DYNC1I1: variants seen among roughly 807,000 people sequenced by gnomAD.
DYNC1I1 encodes the protein dynein cytoplasmic 1 intermediate chain 1, also known as cytoplasmic dynein 1 intermediate chain 1.
DYNC1I1 carries 43 observed loss-of-function variants against 86.6 expected under a neutral mutation model. The ratio of observed to expected loss-of-function variants is 0.50; its 90% CI spans 0.39 to 0.64. The LOEUF (loss-of-function observed/expected upper bound fraction) is 0.64, where lower values mean the gene tolerates loss of function less well. Ranked by LOEUF, DYNC1I1 falls within the 30% of genes least tolerant of loss-of-function variation. The probability of loss-of-function intolerance (pLI) is 0.00; values close to 1 mark genes in which losing one functional copy is unlikely to be tolerated. For synonymous variants in DYNC1I1, 262 were observed against 283.7 expected, an observed-to-expected ratio of 0.92 and a Z score of 0.77; for missense variants, 604 against 788.8, an observed-to-expected ratio of 0.77 and a Z score of 2.81.
At chr7:96,069,730 T>C in intron 14 of DYNC1I1, among the ~76,000 whole-genome samples, 1 of 152,230 alleles carries the variant, frequency 6.6e-6, no homozygotes, top group East Asian at 1.9e-4. Context: ...CATTCTTTTA[T>C]ATGGATAATT....
At chr7:96,060,917 C>T (rs1789746150) in intron 14 of DYNC1I1, among the ~76,000 whole-genome samples, 1 of 152,050 alleles carries the variant, frequency 6.6e-6, no homozygotes, top group African/African-American at 2.4e-5. Flanking sequence ...AAGGCAGCCC[C>T]AAAATGGAAC....
chr7:96,062,956 G>A (rs1789828110), intron 14 of DYNC1I1, among the ~76,000 whole-genome samples: 1 of 151,896 alleles, frequency 6.6e-6, no homozygotes, highest in Non-Finnish European at 1.5e-5. Flanking sequence ...TGACCTGTTT[G>A]TATTAGCTTT....
intron 9 of DYNC1I1, 99 bp from the exon 10 acceptor site, chr7:95,995,849 A>G: frequency 6.7e-7 from 1 of 1,481,554 alleles, no homozygotes; most frequent in Non-Finnish European, 9.0e-7. Flanking sequence ...AGAAAGCACC[A>G]TTTACACTGT....
At chr7:95,865,502 GC>G (rs1789994839) in intron 5 of DYNC1I1, among the ~76,000 whole-genome samples, 1 of 152,112 alleles carries the variant, frequency 6.6e-6, no homozygotes, top group Admixed American at 6.5e-5. Flanking sequence ...CCAGGGTATG[GC>G]ATAAATTAGT....
intron 10 of DYNC1I1, among the ~76,000 whole-genome samples, chr7:96,012,350 CCTTT>C (rs1372293451): frequency 6.6e-6 from 1 of 152,140 alleles, no homozygotes; most frequent in East Asian, 1.9e-4. Context: ...AGATTACCAT[CCTTT>C]CTTTTTTGTT....
At chr7:95,970,223 G>A (rs1793130270) in intron 6 of DYNC1I1, among the ~76,000 whole-genome samples, 1 of 152,142 alleles carries the variant, frequency 6.6e-6, no homozygotes, top group African/African-American at 2.4e-5. Context: ...CACACCCGCT[G>A]GCAACTGCGC....
At chr7:96,049,383 T>A (rs1031757163) in intron 14 of DYNC1I1, among the ~76,000 whole-genome samples, 2 of 152,080 alleles carry the variant, frequency 1.3e-5, no homozygotes, top group African/African-American at 2.4e-5. Context: ...GAAATGGAGT[T>A]TTTTGGCCTT....
intron 4 of DYNC1I1, among the ~76,000 whole-genome samples, chr7:95,815,253 T>A (rs1446760306): frequency 6.6e-6 from 1 of 152,192 alleles, no homozygotes. Context: ...TTTTTAACTT[T>A]ATGAATCACT....
intron 4 of DYNC1I1, among the ~76,000 whole-genome samples, chr7:95,823,523 G>T (rs1795128139): frequency 6.6e-6 from 1 of 152,062 alleles, no homozygotes; most frequent in African/African-American, 2.4e-5. Flanking sequence ...ATATTATTAG[G>T]CATAAATATT....
intron 1 of DYNC1I1, among the ~76,000 whole-genome samples, chr7:95,775,052 T>A (rs1046594552): frequency 3.9e-5 from 6 of 152,364 alleles, no homozygotes; most frequent in African/African-American, 1.2e-4. Context: ...GGCATTGCAT[T>A]TTAAAATACT....
intron 10 of DYNC1I1, among the ~76,000 whole-genome samples, chr7:96,023,892 C>A (rs958197886): frequency 6.6e-6 from 1 of 152,112 alleles, no homozygotes; most frequent in African/African-American, 2.4e-5. Context: ...GCTTGGTCTT[C>A]GAAATATAGT....
At chr7:96,060,188 G>T (rs139528155) in intron 14 of DYNC1I1, among the ~76,000 whole-genome samples, 2 of 152,192 alleles carry the variant, frequency 1.3e-5, no homozygotes, top group Middle Eastern at 6.8e-3. Flanking sequence ...AGCCACCTTC[G>T]TGACCCTGTG....
chr7:95,779,787 A>G (rs540134876), intron 1 of DYNC1I1, among the ~76,000 whole-genome samples: 1 of 152,244 alleles, frequency 6.6e-6, no homozygotes, highest in East Asian at 1.9e-4. Context: ...CCCTTGGAGC[A>G]TTTTAATGTG....
Position 95,869,868 on chromosome 7 carries a change from C to A in DYNC1I1, c.375-15C>A. On this transcript the variant is annotated splice_polypyrimidine_tract_variant and intron_variant, in intron 5 of 16. Coordinates refer to ENST00000447467, the MANE Select transcript of DYNC1I1 (RefSeq NM_001135556.2). ...TGCCTCCCCTCTCTAAGCATTTATT[C>A]TTTGTTACTTACAGAAGAAGACTGC... The A allele has an allele frequency of 6.2e-7, 1 of 1,608,966 alleles. No homozygotes were observed. Among genetic ancestry groups the A allele is most frequent in the Non-Finnish European group, 8.5e-7 (1 of 1,177,116 alleles).
At chr7:95,977,164 G>A (rs1238394856) in intron 6 of DYNC1I1, among the ~76,000 whole-genome samples, 1 of 152,148 alleles carries the variant, frequency 6.6e-6, no homozygotes, top group Non-Finnish European at 1.5e-5. Context: ...TGTGCTCCAG[G>A]TGGAAACATT....
At chr7:96,060,694 G>T (rs1300369187) in intron 14 of DYNC1I1, among the ~76,000 whole-genome samples, 1 of 152,098 alleles carries the variant, frequency 6.6e-6, no homozygotes, top group Non-Finnish European at 1.5e-5. Flanking sequence ...TCTGGTAGGG[G>T]ATATTTACAA....
intron 4 of DYNC1I1, among the ~76,000 whole-genome samples, chr7:95,825,376 C>G (rs1795182553): frequency 6.6e-6 from 1 of 152,114 alleles, no homozygotes; most frequent in South Asian, 2.1e-4. Context: ...AAATGGAGGT[C>G]AAATAGTTGA....
At chr7:95,839,768 C>G (rs976657126) in intron 5 of DYNC1I1, among the ~76,000 whole-genome samples, 1 of 152,042 alleles carries the variant, frequency 6.6e-6, no homozygotes, top group African/African-American at 2.4e-5. Context: ...ATGGTAACCT[C>G]TCTTAGCTTT....
intron 6 of DYNC1I1, among the ~76,000 whole-genome samples, chr7:95,891,598 A>G (rs1790740280): frequency 6.6e-6 from 1 of 152,232 alleles, no homozygotes; most frequent in Non-Finnish European, 1.5e-5. Flanking sequence ...AAGAGTCCAT[A>G]TGAACAGAAT....
Sources: gnomAD v4.1 joint callset for allele counts (sites outside exome capture counted in the v4.1 genomes callset) on GRCh38, gnomAD v4.1.1 for gene constraint, MANE v1.5 for transcripts, NCBI Gene and HGNC (gene_info 2026-07-23, HGNC 2026-07-21) for gene names.